EYA1: variants seen among roughly 807,000 people sequenced by gnomAD.
The protein encoded by EYA1 is EYA transcriptional coactivator and phosphatase 1, also known as protein phosphatase EYA1.
Under a neutral mutation model 82.0 loss-of-function variants are expected in EYA1, and 16 were observed. The observed-to-expected ratio is 0.20, with a 90% CI of 0.13 to 0.30. The LOEUF (loss-of-function observed/expected upper bound fraction) is 0.30. EYA1 is among the 10% of genes least tolerant of loss of function. The pLI is 1.00. For missense variants in EYA1, 633 were observed against 730.7 expected (o/e 0.87, Z 1.54); for synonymous variants, 261 against 264.4 (o/e 0.99, Z 0.12).
chr8:71,496,427 G>A (rs1392873747), intron 2 of EYA1, among the ~76,000 whole-genome samples: 2 of 152,002 alleles, frequency 1.3e-5, no homozygotes, highest in African/African-American at 4.8e-5. Flanking sequence ...AAACAGGAAG[G>A]GTTTCTGAAT....
At chr8:71,451,910 CGGACAGTGGGTGCA>C (rs1270153913) in intron 2 of EYA1, among the ~76,000 whole-genome samples, 1 of 152,196 alleles carries the variant, frequency 6.6e-6, no homozygotes, top group Non-Finnish European at 1.5e-5. Context: ...TGGGGCTCAT[CGGACAGTGGGTGCA>C]GGACTGTGGG....
chr8:71,199,875 T>A (rs980534848), intron 17 of EYA1: 2 of 175,984 alleles, frequency 1.1e-5, no homozygotes, highest in African/African-American at 4.8e-5. Flanking sequence ...CAGTTTTTTT[T>A]CCATTTATTT....
Position 71,303,340 on chromosome 8 carries a change from CCAT to C in EYA1, c.557-3623_557-3621del, listed in dbSNP as rs1168604876. ...TACACACACACACACACACACACAT[CCAT>C]GACTTACTAATCAGTATTTTAAGCC... On this transcript the variant is annotated intron_variant, in intron 7 of 17. Transcript: ENST00000340726. Among the ~76,000 whole-genome samples the C allele has an allele frequency of 4.6e-5, 6 of 129,640 alleles. 1 individual carries two copies. Among genetic ancestry groups the C allele is most frequent in the African/African-American group, 1.6e-4 (6 of 36,588 alleles). The allele number at this position is 129,640 out of a possible 152,430, so 85.0% of individuals were successfully genotyped here.
intron 2 of EYA1, among the ~76,000 whole-genome samples, chr8:71,485,726 T>A (rs937048942): frequency 1.3e-5 from 2 of 152,162 alleles, no homozygotes; most frequent in Non-Finnish European, 2.9e-5. Flanking sequence ...CTTAATCCAA[T>A]GTAAGTGACT....
chr8:71,377,176 G>A (rs1828422154), intron 2 of EYA1, among the ~76,000 whole-genome samples: 1 of 152,168 alleles, frequency 6.6e-6, no homozygotes, highest in Non-Finnish European at 1.5e-5. Context: ...GCATACTGGA[G>A]GTTTTCTTCC....
chr8:71,530,730 T>A (rs1814198695), intron 2 of EYA1: 1 of 152,232 alleles, frequency 6.6e-6, no homozygotes, highest in Non-Finnish European at 1.5e-5. Context: ...AGTCACCTTT[T>A]ATTTCTAGCA....
intron 11 of EYA1, among the ~76,000 whole-genome samples, chr8:71,268,635 C>T (rs72654135): frequency 0.02 from 3,058 of 152,004 alleles, 56 homozygotes; most frequent in Non-Finnish European, 0.031. Context: ...TGTGTTTTAC[C>T]GATATATTAT....
chr8:71,322,476 G>T, intron 4 of EYA1: 1 of 572,910 alleles, frequency 1.7e-6, no homozygotes, highest in Non-Finnish European at 3.1e-6. Flanking sequence ...ACTGATTAAG[G>T]GCTCTAGTTT....
chr8:71,403,632 A>C (rs899986610), intron 2 of EYA1: 12 of 152,214 alleles, frequency 7.9e-5, no homozygotes, highest in South Asian at 2.1e-4. Context: ...ATAATAAATT[A>C]TATTTTAAAT....
chr8:71,312,716 G>T (rs1195152501), intron 7 of EYA1, among the ~76,000 whole-genome samples: 1 of 152,222 alleles, frequency 6.6e-6, no homozygotes, highest in Non-Finnish European at 1.5e-5. Flanking sequence ...GGGATTACAG[G>T]CGTGAGCCAT....
At chr8:71,387,325 A>G (rs936416037) in intron 2 of EYA1, among the ~76,000 whole-genome samples, 3 of 152,220 alleles carry the variant, frequency 2.0e-5, no homozygotes, top group Non-Finnish European at 4.4e-5. Flanking sequence ...TTATCAATCT[A>G]TATGCAGATG....
At chr8:71,308,449 G>A (rs1408949030) in intron 7 of EYA1, among the ~76,000 whole-genome samples, 1 of 151,962 alleles carries the variant, frequency 6.6e-6, no homozygotes, top group Non-Finnish European at 1.5e-5. Flanking sequence ...AAAGAGTGGT[G>A]GCCTTGTCAA....
At chr8:71,369,835 T>C (rs150683519) in intron 2 of EYA1, among the ~76,000 whole-genome samples, 1 of 152,296 alleles carries the variant, frequency 6.6e-6, no homozygotes, top group Non-Finnish European at 1.5e-5. Flanking sequence ...ATATTTTCCT[T>C]CCATTGAAAA....
At chr8:71,307,173 G>C (rs1302719575) in intron 7 of EYA1, among the ~76,000 whole-genome samples, 1 of 152,014 alleles carries the variant, frequency 6.6e-6, no homozygotes, top group African/African-American at 2.4e-5. Context: ...GAGAAAAGAA[G>C]GTCTCTCAAC....
intron 2 of EYA1, among the ~76,000 whole-genome samples, chr8:71,408,684 A>G (rs928043301): frequency 8.5e-6 from 1 of 117,962 alleles, no homozygotes; most frequent in Non-Finnish European, 1.7e-5. Context: ...TATCCTAAAT[A>G]TATATGCACC....
intron 9 of EYA1, among the ~76,000 whole-genome samples, chr8:71,288,142 G>A (rs1009382916): frequency 6.6e-6 from 1 of 152,208 alleles, no homozygotes; most frequent in African/African-American, 2.4e-5. Flanking sequence ...AGCACAGGTG[G>A]AAAGTGGTAC....
At chr8:71,234,703 GC>G (rs916445561) in intron 12 of EYA1, among the ~76,000 whole-genome samples, 2 of 151,468 alleles carry the variant, frequency 1.3e-5, no homozygotes, top group African/African-American at 4.9e-5. Context: ...TCAATCTTAG[GC>G]CCCCTTCTCA....
chr8:71,457,336 T>G (rs1808016776), intron 2 of EYA1, among the ~76,000 whole-genome samples: 1 of 152,176 alleles, frequency 6.6e-6, no homozygotes, highest in Non-Finnish European at 1.5e-5. Flanking sequence ...GTTCAACCAT[T>G]GTGGAAGACA....
At chr8:71,536,141 A>G (rs532125947) in intron 1 of EYA1, among the ~76,000 whole-genome samples, 2 of 152,208 alleles carry the variant, frequency 1.3e-5, no homozygotes, top group South Asian at 2.1e-4. Context: ...TTCCGCACAC[A>G]TTATTTTTGA....
Sources: gnomAD v4.1 joint callset for allele counts (sites outside exome capture counted in the v4.1 genomes callset) on GRCh38, gnomAD v4.1.1 for gene constraint, MANE v1.5 for transcripts, NCBI Gene and HGNC (gene_info 2026-07-23, HGNC 2026-07-21) for gene names.